STXBP5L: variants seen among roughly 807,000 people sequenced by gnomAD.
STXBP5L encodes syntaxin binding protein 5L, also known as syntaxin-binding protein 5-like.
A neutral mutation model predicts 144.5 loss-of-function variants in STXBP5L; 65 were observed. The observed-to-expected ratio is 0.45, with a 90% CI of 0.37 to 0.55. The LOEUF (loss-of-function observed/expected upper bound fraction) is 0.55. Among genes scored for constraint, STXBP5L ranks in the 20% least tolerant of loss-of-function variants. The pLI, the probability that STXBP5L is intolerant of heterozygous loss-of-function variation, is 0.00. For missense variants in STXBP5L, 1,298 were observed against 1,405.5 expected (o/e 0.92, Z 1.22); for synonymous variants, 505 against 469.6 (o/e 1.08, Z -0.97).
intron 5 of STXBP5L, among the ~76,000 whole-genome samples, chr3:121,068,331 A>C (rs1360208285): frequency 6.6e-6 from 1 of 152,192 alleles, no homozygotes; most frequent in African/African-American, 2.4e-5. Flanking sequence ...TACTTGGTGT[A>C]CCTAACATTT....
chr3:121,355,770 C>G (rs759143109), intron 20 of STXBP5L, among the ~76,000 whole-genome samples: 1 of 152,186 alleles, frequency 6.6e-6, no homozygotes, highest in Non-Finnish European at 1.5e-5. Context: ...AAGAGGCACT[C>G]TGATTTTTCG....
chr3:120,947,360 A>T (rs1193387227), intron 2 of STXBP5L, among the ~76,000 whole-genome samples: 1 of 151,758 alleles, frequency 6.6e-6, no homozygotes, highest in African/African-American at 2.4e-5. Context: ...ATTCTTTTGA[A>T]ATCAACTAGG....
rs1429465784 is a variant in STXBP5L, at chr3:121,354,867, G to A, written c.2177-23849G>A. ...TCCATGTTTAGTACTTCCTTCAGGA[G>A]CTCTTGTAAGGCAGGCTTGGTGGTG... On this transcript the variant is annotated intron_variant, in intron 20 of 26. Transcript: ENST00000471454. Among the ~76,000 whole-genome samples the A allele has an allele frequency of 2.0e-5, 3 of 152,124 alleles. No homozygotes were observed. The East Asian group carries it at 5.8e-4, about 29-fold the overall frequency.
At chr3:121,117,014 T>C (rs2044259240) in intron 6 of STXBP5L, among the ~76,000 whole-genome samples, 1 of 151,968 alleles carries the variant, frequency 6.6e-6, no homozygotes, top group South Asian at 2.1e-4. Context: ...TTCACCACTC[T>C]TGCAATGCTG....
chr3:121,201,449 G>A (rs1319587096), intron 9 of STXBP5L, among the ~76,000 whole-genome samples: 1 of 151,996 alleles, frequency 6.6e-6, no homozygotes, highest in Non-Finnish European at 1.5e-5. Context: ...CACATCGATG[G>A]GTCTTGATTC....
rs2045968607 is a variant in STXBP5L, at chr3:121,152,573, T to C, written c.753+13T>C. On this transcript the variant is annotated intron_variant, in intron 8 of 26. Coordinates refer to ENST00000471454, the MANE Select transcript of STXBP5L (RefSeq NM_001308330.2). Reference sequence around the variant, plus strand: ...TTATTATGATGAGGTAAGTGATTTCTACCGACATGTTTGAAAGAGTATTGT... The same window carrying C: ...TTATTATGATGAGGTAAGTGATTTCCACCGACATGTTTGAAAGAGTATTGT... 1 of 1,564,782 alleles carries C rather than the reference T, an allele frequency of 6.4e-7. No homozygotes were observed. The highest frequency in any genetic ancestry group is 1.4e-5 in the African/African-American group (1 of 73,054).
chr3:120,985,448 C>T (rs1363175483), intron 3 of STXBP5L, among the ~76,000 whole-genome samples: 1 of 151,990 alleles, frequency 6.6e-6, no homozygotes, highest in Non-Finnish European at 1.5e-5. Context: ...AATGTGCTGT[C>T]TTAGCAATTT....
chr3:120,944,025 T>C (rs916979694), intron 2 of STXBP5L, among the ~76,000 whole-genome samples: 2 of 151,404 alleles, frequency 1.3e-5, no homozygotes, highest in African/African-American at 2.4e-5. Flanking sequence ...ATGAAGAAAA[T>C]TTAAAAAAAT....
At chr3:121,180,620 T>G (rs2047103481) in intron 9 of STXBP5L, among the ~76,000 whole-genome samples, 1 of 152,184 alleles carries the variant, frequency 6.6e-6, no homozygotes, top group Non-Finnish European at 1.5e-5. Flanking sequence ...AGGCCTGTAA[T>G]ACCAGCACTT....
intron 3 of STXBP5L, among the ~76,000 whole-genome samples, chr3:121,008,887 A>G (rs756121065): frequency 6.6e-6 from 1 of 151,844 alleles, no homozygotes; most frequent in Non-Finnish European, 1.5e-5. Flanking sequence ...TAAAATATCT[A>G]TCTTTTCCAG....
chr3:121,374,060 C>G (rs2046112304), intron 20 of STXBP5L, among the ~76,000 whole-genome samples: 1 of 152,182 alleles, frequency 6.6e-6, no homozygotes, highest in South Asian at 2.1e-4. Flanking sequence ...CTACTGCCAT[C>G]ACTGCTGATG....
chr3:121,094,379 G>C (rs1255609971), intron 5 of STXBP5L, among the ~76,000 whole-genome samples: 1 of 152,062 alleles, frequency 6.6e-6, no homozygotes, highest in African/African-American at 2.4e-5. Context: ...GGGTGTTAAA[G>C]TCTCCCATTA....
At chr3:120,997,105 T>C (rs541814661) in intron 3 of STXBP5L, among the ~76,000 whole-genome samples, 1 of 151,362 alleles carries the variant, frequency 6.6e-6, no homozygotes, top group Admixed American at 6.7e-5. Flanking sequence ...GCTCCATCCA[T>C]GTTACTGCAA....
chr3:120,926,356 CT>C (rs35029446), intron 2 of STXBP5L, among the ~76,000 whole-genome samples: 36 of 139,732 alleles, frequency 2.6e-4, no homozygotes, highest in African/African-American at 5.8e-4. Flanking sequence ...GATGGCAGTT[CT>C]TTTTTTTTTT....
At chr3:120,961,052 A>G (rs991307278) in intron 3 of STXBP5L, among the ~76,000 whole-genome samples, 1 of 152,100 alleles carries the variant, frequency 6.6e-6, no homozygotes, top group Non-Finnish European at 1.5e-5. Context: ...CAATCTTGGT[A>G]GGTTGTATAT....
At chr3:120,985,705 T>C (rs1272055217) in intron 3 of STXBP5L, among the ~76,000 whole-genome samples, 2 of 151,982 alleles carry the variant, frequency 1.3e-5, no homozygotes. Context: ...AGTTGGTTGA[T>C]GTGTAATTGT....
chr3:121,226,210 C>G (rs141855034), intron 11 of STXBP5L, among the ~76,000 whole-genome samples: 8 of 152,254 alleles, frequency 5.3e-5, no homozygotes, highest in African/African-American at 1.9e-4. Context: ...TTACCTTTGG[C>G]TAAAAGACAT....
chr3:121,262,236 C>A (rs556293217), intron 18 of STXBP5L, among the ~76,000 whole-genome samples: 1 of 152,186 alleles, frequency 6.6e-6, no homozygotes, highest in Non-Finnish European at 1.5e-5. Context: ...AAATTTATGT[C>A]TTTCTCATAT....
chr3:120,972,860 G>A (rs1313778454), intron 3 of STXBP5L, among the ~76,000 whole-genome samples: 1 of 151,984 alleles, frequency 6.6e-6, no homozygotes, highest in Non-Finnish European at 1.5e-5. Context: ...CAGTTTATGT[G>A]GTGAATCAAA....
Sources: allele counts gnomAD v4.1 joint callset (sites outside exome capture counted in the v4.1 genomes callset), GRCh38; gene constraint gnomAD v4.1.1; transcripts MANE v1.5; gene names NCBI Gene and HGNC (gene_info 2026-07-23, HGNC 2026-07-21).